The following CNTN6 variants were observed in gnomAD, a reference collection of about 807,000 sequenced individuals.
The protein encoded by CNTN6 is contactin-6.
CNTN6 carries 137 observed loss-of-function variants against 122.8 expected under a neutral mutation model. That is an observed-to-expected ratio of 1.12 (90% CI 0.97 to 1.29). CNTN6 has a LOEUF of 1.29. Among genes scored for constraint, CNTN6 ranks in the 50% most tolerant of loss-of-function variants. The pLI is 0.00. For synonymous variants in CNTN6, 570 were observed against 426.0 expected (o/e 1.34, Z -4.16); for missense variants, 1,634 against 1,223.4 (o/e 1.34, Z -5.01).
chr3:1,295,455 C>T (rs191747173), intron 5 of CNTN6, 146 bp from the exon 6 acceptor site: 34 of 619,794 alleles, frequency 5.5e-5, no homozygotes, highest in African/African-American at 4.4e-4. Flanking sequence ...ATTACAATTA[C>T]ACCAGATGAC....
At chr3:1,180,046 A>G (rs1368492826) in intron 2 of CNTN6, among the ~76,000 whole-genome samples, 1 of 152,198 alleles carries the variant, frequency 6.6e-6, no homozygotes, top group East Asian at 1.9e-4. Context: ...AAAGTTATGA[A>G]TTTGCAATTT....
chr3:1,111,787 A>T (rs2091492090), intron 1 of CNTN6, among the ~76,000 whole-genome samples: 1 of 152,184 alleles, frequency 6.6e-6, no homozygotes, highest in African/African-American at 2.4e-5. Context: ...AAATCAGTGT[A>T]GAACAGGAAA....
intron 11 of CNTN6, among the ~76,000 whole-genome samples, chr3:1,336,834 C>T (rs1240665431): frequency 6.6e-6 from 1 of 152,116 alleles, no homozygotes; most frequent in African/African-American, 2.4e-5. Flanking sequence ...GCCCAGACAC[C>T]TTCCTCTTGG....
chr3:1,380,291 T>C (rs1369081412), intron 17 of CNTN6, among the ~76,000 whole-genome samples: 1 of 152,222 alleles, frequency 6.6e-6, no homozygotes, highest in South Asian at 2.1e-4. Flanking sequence ...CTGCCTGAAC[T>C]GAACTAAATA....
At chr3:1,300,567 AAG>A (rs754965982) in intron 7 of CNTN6, among the ~76,000 whole-genome samples, 5 of 54,518 alleles carry the variant, frequency 9.2e-5, no homozygotes, top group South Asian at 7.8e-4. Context: ...AAAAGAAAGA[AAG>A]AAAGAAAGAA....
At chr3:1,258,150 G>C (rs1191307422) in intron 4 of CNTN6, among the ~76,000 whole-genome samples, 1 of 152,104 alleles carries the variant, frequency 6.6e-6, no homozygotes, top group Non-Finnish European at 1.5e-5. Context: ...AGAGCTGTTA[G>C]ATTGTGATTG....
intron 1 of CNTN6, among the ~76,000 whole-genome samples, chr3:1,112,031 A>G (rs1023608717): frequency 6.6e-6 from 1 of 152,174 alleles, no homozygotes; most frequent in Non-Finnish European, 1.5e-5. Context: ...GGGGTGCCAT[A>G]AAAATGATTG....
intron 1 of CNTN6, among the ~76,000 whole-genome samples, chr3:1,140,868 A>G (rs576333394): frequency 6.6e-6 from 1 of 152,216 alleles, no homozygotes; most frequent in Non-Finnish European, 1.5e-5. Flanking sequence ...TCTTTCTACT[A>G]ATCTATCATC....
At chr3:1,358,111 TTG>T (rs1706878259) in intron 12 of CNTN6, among the ~76,000 whole-genome samples, 1 of 151,872 alleles carries the variant, frequency 6.6e-6, no homozygotes, top group African/African-American at 2.4e-5. Flanking sequence ...GTGTATTCTT[TTG>T]TGTTTGGTGT....
intron 4 of CNTN6, among the ~76,000 whole-genome samples, chr3:1,260,111 T>C (rs1383162221): frequency 1.3e-5 from 2 of 152,134 alleles, no homozygotes; most frequent in African/African-American, 2.4e-5. Flanking sequence ...AGAAACAATT[T>C]AGTGAAAGTG....
At chr3:1,313,672 C>T (rs1699711968) in intron 7 of CNTN6, among the ~76,000 whole-genome samples, 1 of 152,042 alleles carries the variant, frequency 6.6e-6, no homozygotes, top group African/African-American at 2.4e-5. Flanking sequence ...ATGTCCTCCC[C>T]AAGGGAAAGC....
intron 20 of CNTN6, among the ~76,000 whole-genome samples, chr3:1,396,186 C>G (rs79933375): frequency 0.024 from 3,680 of 152,256 alleles, 93 homozygotes; most frequent in Non-Finnish European, 0.036. Flanking sequence ...TATAACATTC[C>G]TCTTCTAGCC....
At chr3:1,305,368 A>C (rs533164142) in intron 7 of CNTN6, among the ~76,000 whole-genome samples, 1 of 152,338 alleles carries the variant, frequency 6.6e-6, no homozygotes, top group Non-Finnish European at 1.5e-5. Flanking sequence ...CTTTGGGGAT[A>C]TGTAACTGAC....
intron 12 of CNTN6, among the ~76,000 whole-genome samples, chr3:1,364,346 GATAA>G (rs1163228793): frequency 6.6e-6 from 1 of 151,768 alleles, no homozygotes; most frequent in African/African-American, 2.4e-5. Flanking sequence ...TAATGTCATA[GATAA>G]ATAAAGGAAG....
intron 2 of CNTN6, among the ~76,000 whole-genome samples, chr3:1,201,093 A>T (rs1229046019): frequency 1.5e-5 from 2 of 134,184 alleles, no homozygotes; most frequent in Non-Finnish European, 3.1e-5. Flanking sequence ...GTGCCCAGCT[A>T]ACATTTTGTG....
At chr3:1,098,286 T>G (rs9810530) in intron 1 of CNTN6, among the ~76,000 whole-genome samples, 26,933 of 151,906 alleles carry the variant, frequency 0.18, 4,962 homozygotes, top group African/African-American at 0.47. Flanking sequence ...TATATTTGAT[T>G]TTTTGATTAT....
chr3:1,326,790 A>G (rs1245481013), intron 9 of CNTN6, among the ~76,000 whole-genome samples: 1 of 151,902 alleles, frequency 6.6e-6, no homozygotes, highest in African/African-American at 2.4e-5. Context: ...TGCCTTTTGC[A>G]TATAGCATTC....
At chr3:1,349,389 CTG>C (rs1267586260) in intron 11 of CNTN6, among the ~76,000 whole-genome samples, 1 of 150,752 alleles carries the variant, frequency 6.6e-6, no homozygotes, top group African/African-American at 2.5e-5. Flanking sequence ...ATTCTTCTGG[CTG>C]TGTGTGTTTT....
chr3:1,224,153 A>G (rs1236667556), intron 3 of CNTN6, among the ~76,000 whole-genome samples: 1 of 152,138 alleles, frequency 6.6e-6, no homozygotes, highest in Non-Finnish European at 1.5e-5. Context: ...CCAGGCAGAG[A>G]GAGACAAATA....
Sources: allele counts gnomAD v4.1 joint callset (sites outside exome capture counted in the v4.1 genomes callset), GRCh38; gene constraint gnomAD v4.1.1; transcripts MANE v1.5; gene names NCBI Gene and HGNC (gene_info 2026-07-23, HGNC 2026-07-21).